TRMT11: variants seen among roughly 807,000 people sequenced by gnomAD.
TRMT11 encodes the protein tRNA (guanine(10)-N(2))-methyltransferase TRMT11.
Under a neutral mutation model 62.8 loss-of-function variants are expected in TRMT11, and 53 were observed. That is an observed-to-expected ratio of 0.84 (90% CI 0.68 to 1.06). The LOEUF (loss-of-function observed/expected upper bound fraction) is 1.06, where lower values mean the gene tolerates loss of function less well. TRMT11 is among the 50% of genes least tolerant of loss of function. The pLI, the probability that TRMT11 is intolerant of heterozygous loss-of-function variation, is 0.00. For missense variants in TRMT11, 556 were observed against 553.4 expected (o/e 1.00, Z -0.05); for synonymous variants, 188 against 190.3 (o/e 0.99, Z 0.10).
In TRMT11 at chr6:126,133,053, TAA is replaced by T. The variant is rs201808959; in HGVS notation, c.*1823+17199_*1823+17200del. 9.7e-3 allele frequency among the ~76,000 whole-genome samples: 1,474 copies of T among 152,144 alleles called. 14 individuals carry two copies. Among genetic ancestry groups the T allele is most frequent in the African/African-American group, 0.034 (1,409 of 41,546 alleles). On this transcript the variant is annotated intron_variant and NMD_transcript_variant, in intron 21 of 22. Transcript: ENST00000648977. ...TTTGAGCTCCACAAAACCCATTTTA[TAA>T]GTCTTTTCTTCCGCAGTACAAGGAA...
At chr6:126,132,871 T>G (rs1353463542) in intron 21 of TRMT11, among the ~76,000 whole-genome samples, 1 of 152,068 alleles carries the variant, frequency 6.6e-6, no homozygotes, top group African/African-American at 2.4e-5. Flanking sequence ...CTCAAACAAT[T>G]TCTTTCAAAT....
intron 17 of TRMT11, among the ~76,000 whole-genome samples, chr6:126,112,075 A>G (rs1777538606): frequency 6.6e-6 from 1 of 152,134 alleles, no homozygotes; most frequent in Non-Finnish European, 1.5e-5. Context: ...TCAGCTCAAA[A>G]TCCAGAATAA....
At chr6:126,262,160 G>T in the TRMT11 span, among the ~76,000 whole-genome samples, 7 of 152,178 alleles carry the variant, frequency 4.6e-5, no homozygotes, top group Non-Finnish European at 7.4e-5. Context: ...CAGCTGTCAG[G>T]CCAAGAATGG....
At chr6:126,038,437 CAAAAAA>C (rs72178194) in intron 12 of TRMT11, among the ~76,000 whole-genome samples, 1 of 129,262 alleles carries the variant, frequency 7.7e-6, no homozygotes, top group Admixed American at 7.7e-5. Flanking sequence ...TGCCCTGAGG[CAAAAAA>C]AAAAAAAAAA....
At chr6:126,007,336 C>G (rs1314833172) in intron 7 of TRMT11, among the ~76,000 whole-genome samples, 1 of 151,888 alleles carries the variant, frequency 6.6e-6, no homozygotes, top group Non-Finnish European at 1.5e-5. Flanking sequence ...GAGGCACTAC[C>G]CATCTTAGTT....
intron 21 of TRMT11, among the ~76,000 whole-genome samples, chr6:126,161,944 A>G (rs1778195813): frequency 6.8e-6 from 1 of 148,118 alleles, no homozygotes; most frequent in Non-Finnish European, 1.5e-5. Flanking sequence ...AAAAGTGGAT[A>G]TCCATCTGGA....
downstream of TRMT11, among the ~76,000 whole-genome samples, chr6:126,206,196 C>A (rs1778791107): frequency 1.3e-5 from 2 of 152,176 alleles, no homozygotes; most frequent in Non-Finnish European, 2.9e-5. Flanking sequence ...TACATTTAGT[C>A]CAGATTGCTT....
intron 1 of TRMT11, among the ~76,000 whole-genome samples, chr6:126,185,629 A>C (rs140807908): frequency 9.2e-5 from 14 of 152,302 alleles, no homozygotes; most frequent in African/African-American, 2.9e-4. Flanking sequence ...TGATAAAATA[A>C]ATGAGACCAT....
chr6:126,173,869 C>A (rs1407692373), upstream of TRMT11, among the ~76,000 whole-genome samples: 2 of 152,194 alleles, frequency 1.3e-5, no homozygotes, highest in African/African-American at 4.8e-5. Context: ...TGTCATGTCA[C>A]TGTGGCCTCT....
the TRMT11 span, among the ~76,000 whole-genome samples, chr6:126,211,619 A>G: frequency 3.3e-4 from 50 of 150,960 alleles, no homozygotes; most frequent in African/African-American, 1.2e-3. Context: ...ATTTTTCTTT[A>G]TATTTTTTAT....
the TRMT11 span, among the ~76,000 whole-genome samples, chr6:126,247,441 A>ATATCTATCTATCTATC: frequency 1.5e-5 from 2 of 132,458 alleles, no homozygotes; most frequent in African/African-American, 3.0e-5. Flanking sequence ...GACACAGAAC[A>ATATCTATCTATCTATC]TATCTATCTA....
intron 2 of TRMT11, among the ~76,000 whole-genome samples, chr6:125,994,796 C>G (rs1182674721): frequency 6.6e-6 from 1 of 152,174 alleles, no homozygotes. Context: ...TACTGTGCAG[C>G]CATAAAAAGG....
chr6:126,200,158 G>A (rs1778718401), intron 3 of TRMT11, among the ~76,000 whole-genome samples: 1 of 152,162 alleles, frequency 6.6e-6, no homozygotes, highest in Admixed American at 6.5e-5. Flanking sequence ...AAACAGAGAA[G>A]AACAGAAAGT....
At chr6:125,996,278 T>C (rs1194204657) in intron 3 of TRMT11, among the ~76,000 whole-genome samples, 1 of 152,218 alleles carries the variant, frequency 6.6e-6, no homozygotes, top group Non-Finnish European at 1.5e-5. Context: ...ACTTCCGTAT[T>C]ATGCGGGAGT....
chr6:126,091,399 C>T (rs548268522), intron 17 of TRMT11, among the ~76,000 whole-genome samples: 2 of 152,232 alleles, frequency 1.3e-5, no homozygotes, highest in Admixed American at 6.5e-5. Context: ...AGGCAAATGT[C>T]GAGCTGTAGC....
downstream of TRMT11, among the ~76,000 whole-genome samples, chr6:126,208,699 A>G (rs938649815): frequency 6.6e-6 from 1 of 152,258 alleles, no homozygotes; most frequent in Non-Finnish European, 1.5e-5. Flanking sequence ...TTATGAATTC[A>G]ATAGTCATAT....
At chr6:126,119,623 G>A (rs1777628398) in intron 21 of TRMT11, among the ~76,000 whole-genome samples, 1 of 152,082 alleles carries the variant, frequency 6.6e-6, no homozygotes, top group South Asian at 2.1e-4. Flanking sequence ...GAATTTAGGA[G>A]TGAGGACTCA....
intron 17 of TRMT11, among the ~76,000 whole-genome samples, chr6:126,071,519 G>A (rs1776855682): frequency 6.6e-6 from 1 of 152,060 alleles, no homozygotes; most frequent in Non-Finnish European, 1.5e-5. Flanking sequence ...TTGACACATT[G>A]TCAGTGATTT....
chr6:126,035,526 T>A (rs1213773346), intron 12 of TRMT11, among the ~76,000 whole-genome samples: 1 of 152,080 alleles, frequency 6.6e-6, no homozygotes, highest in Admixed American at 6.6e-5. Context: ...ACCTGGGAAA[T>A]AAGAAAATAG....
Sources: allele counts gnomAD v4.1 joint callset (sites outside exome capture counted in the v4.1 genomes callset), GRCh38; gene constraint gnomAD v4.1.1; transcripts MANE v1.5; gene names NCBI Gene and HGNC (gene_info 2026-07-23, HGNC 2026-07-21).